The following RBFOX1 variants were observed in gnomAD, a reference collection of about 807,000 sequenced individuals.
RBFOX1 encodes the protein RNA binding protein fox-1 homolog 1.
Under a neutral mutation model 57.7 loss-of-function variants are expected in RBFOX1, and 8 were observed. The observed-to-expected ratio is 0.14, with a 90% CI of 0.08 to 0.25. RBFOX1 has a LOEUF of 0.25. RBFOX1 is among the 10% of genes least tolerant of loss of function. The pLI is 1.00. For missense variants in RBFOX1, 611 were observed against 548.5 expected, an observed-to-expected ratio of 1.11 and a Z score of -1.14; for synonymous variants, 326 against 222.4, an observed-to-expected ratio of 1.47 and a Z score of -4.15.
chr16:5,762,421 C>G (rs1384407611), intron 3 of RBFOX1, among the ~76,000 whole-genome samples: 1 of 150,452 alleles, frequency 6.6e-6, no homozygotes, highest in Non-Finnish European at 1.5e-5. Flanking sequence ...GGGAGTCAGA[C>G]AGTCTCATAC....
intron 2 of RBFOX1, among the ~76,000 whole-genome samples, chr16:5,517,984 G>C (rs867259894): frequency 4.4e-4 from 67 of 151,410 alleles, no homozygotes; most frequent in African/African-American, 1.5e-3. Flanking sequence ...ATTGGGAAAA[G>C]TTTCTCATGG....
intron 1 of RBFOX1, among the ~76,000 whole-genome samples, chr16:6,194,265 C>G (rs957413221): frequency 6.6e-6 from 1 of 152,162 alleles, no homozygotes; most frequent in Non-Finnish European, 1.5e-5. Context: ...TTGCCTTATT[C>G]TCACTGTTCT....
At chr16:7,007,406 G>A (rs1053489635) in intron 3 of RBFOX1, among the ~76,000 whole-genome samples, 4 of 152,148 alleles carry the variant, frequency 2.6e-5, no homozygotes, top group Admixed American at 1.3e-4. Flanking sequence ...GTGATTAGAT[G>A]GGATTTTCCC....
rs117598841 is a variant in RBFOX1, at chr16:7,246,743, C to A, written c.27+194645C>A. On this transcript the variant is annotated intron_variant, in intron 4 of 15. Coordinates refer to ENST00000550418, the MANE Select transcript of RBFOX1 (RefSeq NM_018723.4). ...TTTGTTGTGCTGACTGCGGTGGTAT[C>A]AGCACCAAGGACAGCGCCTACGTAG... 5.1e-4 allele frequency among the ~76,000 whole-genome samples: 76 copies of A among 148,778 alleles called. 1 individual carries two copies. The East Asian group carries it at 0.015, about 29-fold the overall frequency.
chr16:6,470,479 A>T (rs1222454502), intron 2 of RBFOX1, among the ~76,000 whole-genome samples: 2 of 152,228 alleles, frequency 1.3e-5, no homozygotes, highest in South Asian at 2.1e-4. Flanking sequence ...CTTGGACATG[A>T]ATAGTGCAAA....
At chr16:5,599,241 G>C (rs1465798507) in exon 3 of RBFOX1, 2 of 682,246 alleles carry the variant, frequency 2.9e-6, no homozygotes, top group South Asian at 1.6e-5. Context: ...GGGGCACAGT[G>C]GTTGGTGACA....
chr16:5,789,026 G>A (rs558609869), intron 3 of RBFOX1, among the ~76,000 whole-genome samples: 4 of 152,134 alleles, frequency 2.6e-5, no homozygotes, highest in Non-Finnish European at 5.9e-5. Context: ...TAGACAAGCA[G>A]TCCAAACTAG....
intron 4 of RBFOX1, among the ~76,000 whole-genome samples, chr16:7,271,872 C>T (rs1366685988): frequency 6.6e-6 from 1 of 152,142 alleles, no homozygotes; most frequent in East Asian, 1.9e-4. Flanking sequence ...TCCTCACAGC[C>T]CATCCCCTGT....
intron 1 of RBFOX1, among the ~76,000 whole-genome samples, chr16:6,273,922 T>C (rs867830076): frequency 6.6e-6 from 1 of 152,088 alleles, no homozygotes; most frequent in African/African-American, 2.4e-5. Flanking sequence ...GATACACAGA[T>C]GGCAAGTAAG....
intron 1 of RBFOX1, among the ~76,000 whole-genome samples, chr16:5,353,146 G>C (rs1433596519): frequency 6.6e-6 from 1 of 152,080 alleles, no homozygotes; most frequent in African/African-American, 2.4e-5. Flanking sequence ...AGCCGAGGTG[G>C]GTGGATCACC....
intron 3 of RBFOX1, among the ~76,000 whole-genome samples, chr16:5,809,321 A>T (rs1402481296): frequency 1.3e-5 from 2 of 152,216 alleles, no homozygotes; most frequent in African/African-American, 4.8e-5. Context: ...AAATTGACAA[A>T]TGGGATCTAA....
At chr16:6,684,679 C>A (rs985547247) in intron 3 of RBFOX1, among the ~76,000 whole-genome samples, 2 of 152,046 alleles carry the variant, frequency 1.3e-5, no homozygotes, top group Non-Finnish European at 2.9e-5. Flanking sequence ...TGATCTGGAG[C>A]CCTAGAGGAA....
At chr16:7,390,673 G>C (rs902657391) in intron 4 of RBFOX1, among the ~76,000 whole-genome samples, 4 of 152,158 alleles carry the variant, frequency 2.6e-5, no homozygotes, top group African/African-American at 9.7e-5. Context: ...GGTGATTTTT[G>C]ATGAAAAGAA....
intron 1 of RBFOX1, among the ~76,000 whole-genome samples, chr16:6,235,368 C>T (rs910140092): frequency 1.3e-5 from 2 of 152,292 alleles, no homozygotes; most frequent in Admixed American, 1.3e-4. Context: ...TTTCCACCAG[C>T]CCCAGCTGTC....
chr16:6,311,845 A>T (rs1027597209), intron 1 of RBFOX1, among the ~76,000 whole-genome samples: 4 of 152,140 alleles, frequency 2.6e-5, no homozygotes, highest in Non-Finnish European at 5.9e-5. Flanking sequence ...CTCCCATCCC[A>T]GGTGTGATGG....
chr16:7,604,093 A>C (rs547626158), intron 9 of RBFOX1, among the ~76,000 whole-genome samples: 1 of 152,280 alleles, frequency 6.6e-6, no homozygotes, highest in South Asian at 2.1e-4. Context: ...ATGGGGTATG[A>C]GGGTAAGAGA....
intron 2 of RBFOX1, among the ~76,000 whole-genome samples, chr16:6,365,652 G>C (rs999404219): frequency 6.6e-6 from 1 of 152,128 alleles, no homozygotes; most frequent in Non-Finnish European, 1.5e-5. Flanking sequence ...AATTCTTCTA[G>C]GCATGTTTTG....
At chr16:5,848,698 G>GTCT (rs2056815725) in intron 3 of RBFOX1, among the ~76,000 whole-genome samples, 1 of 152,154 alleles carries the variant, frequency 6.6e-6, no homozygotes, top group Admixed American at 6.5e-5. Context: ...TGTAAACCCA[G>GTCT]CACTTTGGGA....
intron 2 of RBFOX1, among the ~76,000 whole-genome samples, chr16:6,578,261 T>A (rs2097474497): frequency 6.6e-6 from 1 of 152,184 alleles, no homozygotes; most frequent in Non-Finnish European, 1.5e-5. Flanking sequence ...AACACTTTTT[T>A]CAGGGGCATA....
Sources: allele counts gnomAD v4.1 joint callset (sites outside exome capture counted in the v4.1 genomes callset), GRCh38; gene constraint gnomAD v4.1.1; transcripts MANE v1.5; gene names NCBI Gene and HGNC (gene_info 2026-07-23, HGNC 2026-07-21).